ABI1: variants seen among roughly 807,000 people sequenced by gnomAD.
ABI1 encodes the protein abl interactor 1, also known as Abelson interactor 1.
ABI1 carries 14 observed loss-of-function variants against 54.6 expected under a neutral mutation model. The observed-to-expected ratio is 0.26, with a 90% CI of 0.17 to 0.40. The LOEUF is 0.40. ABI1 is among the 10% of genes least tolerant of loss of function. ABI1 has a pLI of 1.00. For synonymous variants in ABI1, 194 were observed against 209.3 expected, an observed-to-expected ratio of 0.93 and a Z score of 0.63; for missense variants, 443 against 598.3, an observed-to-expected ratio of 0.74 and a Z score of 2.71.
At chr10:26,769,893 A>G (rs926325769) in intron 5 of ABI1, among the ~76,000 whole-genome samples, 13 of 152,256 alleles carry the variant, frequency 8.5e-5, no homozygotes, top group Non-Finnish European at 4.4e-5. Flanking sequence ...TCAAAGTTCT[A>G]CAATATAGAT....
At chr10:26,784,123 A>G (rs1207991410) in intron 2 of ABI1, among the ~76,000 whole-genome samples, 1 of 152,194 alleles carries the variant, frequency 6.6e-6, no homozygotes, top group Non-Finnish European at 1.5e-5. Context: ...CTCACAAAGG[A>G]CATTTCTCTG....
At chr10:26,823,057 C>A in intron 2 of ABI1, 81 bp downstream of exon 2, 1 of 1,262,216 alleles carries the variant, frequency 7.9e-7, no homozygotes, top group Non-Finnish European at 1.1e-6. Flanking sequence ...GTCAGAAATC[C>A]ATACATGCAG....
intron 9 of ABI1, among the ~76,000 whole-genome samples, chr10:26,755,295 T>G (rs75176965): frequency 0.015 from 2,357 of 152,216 alleles, 51 homozygotes; most frequent in African/African-American, 0.054. Context: ...CTTGATAAAT[T>G]TATTAGAATT....
intron 2 of ABI1, among the ~76,000 whole-genome samples, chr10:26,782,191 C>T (rs757292881): frequency 1.3e-5 from 2 of 152,156 alleles, no homozygotes; most frequent in African/African-American, 4.8e-5. Context: ...AATCTGTGTC[C>T]TATTTTTACT....
At chr10:26,774,983 C>T (rs1841203961) in intron 3 of ABI1, among the ~76,000 whole-genome samples, 1 of 151,990 alleles carries the variant, frequency 6.6e-6, no homozygotes, top group African/African-American at 2.4e-5. Context: ...AGAAAAGAAA[C>T]TTCTAAATAG....
At chr10:26,853,317 A>C (rs1487518109) in intron 1 of ABI1, among the ~76,000 whole-genome samples, 2 of 151,092 alleles carry the variant, frequency 1.3e-5, no homozygotes, top group Admixed American at 6.6e-5. Context: ...TTTTTTAAAA[A>C]AAATCCCTTT....
chr10:26,860,175 A>T lies in ABI1; in HGVS notation c.117+572T>A, dbSNP rs1168653713. Among the ~76,000 whole-genome samples the T allele has an allele frequency of 6.6e-6, 1 of 152,106 alleles. No homozygotes were observed. The highest frequency in any genetic ancestry group is 1.5e-5 in the Non-Finnish European group (1 of 68,032). ...CATGACAAATTTTTTTTAAATAAAT[A>T]AATAAATAAAAGACACACCCTCTGG... On this transcript the variant is annotated intron_variant, in intron 1 of 10. Transcript: ENST00000376140. The surrounding 1 kb of genome is among the most constrained non-coding windows in gnomAD (Gnocchi z 4.1).
chr10:26,802,744 T>G (rs1241347521), intron 2 of ABI1, among the ~76,000 whole-genome samples: 1 of 152,170 alleles, frequency 6.6e-6, no homozygotes, highest in Non-Finnish European at 1.5e-5. Context: ...GAAGACCACC[T>G]GGAGGAGGCA....
intron 2 of ABI1, among the ~76,000 whole-genome samples, chr10:26,806,485 C>T (rs2046884556): frequency 6.6e-6 from 1 of 152,128 alleles, no homozygotes; most frequent in Non-Finnish European, 1.5e-5. Flanking sequence ...GCCCAGTCAC[C>T]AGGTTTGTGG....
In ABI1 at chr10:26,748,505, G is replaced by C. The variant is rs1837187970; in HGVS notation, c.*65C>G. The C allele has an allele frequency of 8.0e-7, 1 of 1,249,852 alleles. No homozygotes were observed. Among genetic ancestry groups the C allele is most frequent in the Non-Finnish European group, 1.1e-6 (1 of 908,408 alleles). 77.4% of individuals were successfully genotyped at this position (1,249,852 alleles called of 1,614,324 possible). ...TTTTAAAACATATTAAGACAGTTCT[G>C]TTAACCATAATAGTCCCACAGTATG... On this transcript the variant is annotated 3_prime_UTR_variant, in exon 11 of 11. Coordinates refer to ENST00000376140, the MANE Select transcript of ABI1 (RefSeq NM_001012750.3).
chr10:26,791,801 A>G (rs1843506009), intron 2 of ABI1, among the ~76,000 whole-genome samples: 1 of 152,232 alleles, frequency 6.6e-6, no homozygotes, highest in African/African-American at 2.4e-5. Flanking sequence ...AGAAAAAAAC[A>G]CTGAAAATGG....
chr10:26,780,463 G>C (rs1036634511), intron 2 of ABI1, among the ~76,000 whole-genome samples: 1 of 152,108 alleles, frequency 6.6e-6, no homozygotes, highest in Non-Finnish European at 1.5e-5. Flanking sequence ...CGAACTCCTG[G>C]GCTCAAGCAA....
chr10:26,827,606 T>C (rs200313540), intron 1 of ABI1, among the ~76,000 whole-genome samples: 3,308 of 150,014 alleles, frequency 0.022, 243 homozygotes, highest in East Asian at 0.2. Context: ...GTTTTTTTTT[T>C]TTTTGAGATG....
intron 1 of ABI1, among the ~76,000 whole-genome samples, chr10:26,859,158 A>G (rs2134390497): frequency 6.6e-6 from 1 of 152,350 alleles, no homozygotes; most frequent in East Asian, 1.9e-4. Context: ...GAAGGGCTAA[A>G]TATAAAGTTT....
In ABI1 at chr10:26,860,928, C is replaced by A. The variant is rs894837521; in HGVS notation, c.-65G>T. The A allele has an allele frequency of 1.2e-5, 18 of 1,440,586 alleles. No individual in the cohort carries two copies. Among genetic ancestry groups the A allele is most frequent in the South Asian group, 1.0e-4 (9 of 87,710 alleles). 89.2% of individuals were successfully genotyped at this position (1,440,586 alleles called of 1,614,324 possible). A position where few individuals can be genotyped will look rare whatever the true frequency, so the allele number is the denominator to read the frequency against. Reference sequence around the variant, plus strand: ...ACAGAGGCAGCAAGGTCCGCCGAGGCTCCGAGCACCTCACAGCCCGGATAC... The same window carrying A: ...ACAGAGGCAGCAAGGTCCGCCGAGGATCCGAGCACCTCACAGCCCGGATAC... On this transcript the variant is annotated 5_prime_UTR_variant, in exon 1 of 11. Transcript: ENST00000376140. The surrounding 1 kb of genome is among the most constrained non-coding windows in gnomAD (Gnocchi z 4.1).
At position 26,765,226 on chromosome 10, in the gene ABI1, A is replaced by C; in HGVS notation, c.812T>G (p.Ile271Ser). ...IAVPTPSPPT[I>S]GPAAPGSAPG... Reference sequence around the variant, plus strand: ...ATTAATAAATAACACACCTGGTCCAATAGTGGGTGGCGAAGGTGTAGGCAC... The same window carrying C: ...ATTAATAAATAACACACCTGGTCCACTAGTGGGTGGCGAAGGTGTAGGCAC... Residue 271 changes from isoleucine (I) to serine (S), a missense_variant, in exon 7 of 11, where the codon ATT becomes AGT. Physicochemically the swap from Ile to Ser is moderately radical, Grantham distance 142. Around this residue, in one of 2 missense-constraint regions of ABI1, gnomAD observed 394 missense variants for 484.8 expected, o/e 0.81. Transcript: ENST00000376140. 2 of 1,602,418 alleles carry C rather than the reference A, an allele frequency of 1.2e-6. No homozygotes were observed. The highest frequency in any genetic ancestry group is 1.7e-6 in the Non-Finnish European group (2 of 1,174,988).
intron 1 of ABI1, among the ~76,000 whole-genome samples, chr10:26,848,200 C>CAAAAAAA (rs149066426): frequency 1.4e-4 from 11 of 78,638 alleles, no homozygotes; most frequent in South Asian, 5.0e-4. Context: ...GACCCTGTCT[C>CAAAAAAA]AAAAAAAAAA....
intron 2 of ABI1, among the ~76,000 whole-genome samples, chr10:26,810,282 A>C (rs2047145750): frequency 1.3e-5 from 2 of 152,058 alleles, no homozygotes; most frequent in South Asian, 4.1e-4. Context: ...TATGCTGGGG[A>C]TATGGTAGGA....
rs376298985 is a variant in ABI1 at position 26,773,824 on chromosome 10, T to G, written c.463-2735A>C. ...TTTTGCTTGTCTTGCTTTCTTGAAC[T>G]TCTACCTGCTTCATGTCTCCTGTGG... is the stretch of plus-strand genomic sequence containing the variant. On this transcript the variant is annotated intron_variant, in intron 3 of 10. Coordinates refer to ENST00000376140, the MANE Select transcript of ABI1 (RefSeq NM_001012750.3). 3.5e-4 allele frequency among the ~76,000 whole-genome samples: 53 copies of G among 152,340 alleles called. No individual in the cohort carries two copies. In the South Asian group the frequency reaches 8.9e-3, roughly 26 times the overall value.
Sources: allele counts gnomAD v4.1 joint callset (sites outside exome capture counted in the v4.1 genomes callset), GRCh38; gene constraint gnomAD v4.1.1; regional missense constraint gnomAD v4.1.1; non-coding constraint Gnocchi (gnomAD v3.1); transcripts MANE v1.5; gene names NCBI Gene and HGNC (gene_info 2026-07-23, HGNC 2026-07-21).